ZCWPW2: variants seen among roughly 807,000 people sequenced by gnomAD.
ZCWPW2 encodes zinc finger CW-type and PWWP domain containing 2.
Under a neutral mutation model 46.6 loss-of-function variants are expected in ZCWPW2, and 45 were observed. The ratio of observed to expected loss-of-function variants is 0.96; its 90% CI spans 0.76 to 1.24. The LOEUF (loss-of-function observed/expected upper bound fraction) is 1.24. ZCWPW2 is among the 50% of genes most tolerant of loss of function. The pLI is 0.00. For missense variants in ZCWPW2, 429 were observed against 403.9 expected (o/e 1.06, Z -0.53); for synonymous variants, 152 against 137.1 (o/e 1.11, Z -0.76).
At position 28,496,957 on chromosome 3, in the gene ZCWPW2, G is replaced by C. The variant is rs1229931095; in HGVS notation, c.657+4784G>C. Among the ~76,000 whole-genome samples the C allele has an allele frequency of 2.7e-5, 4 of 150,250 alleles. No homozygotes were observed. In the East Asian group the frequency reaches 7.9e-4, roughly 30 times the overall value. On this transcript the variant is annotated intron_variant, in intron 6 of 9. Transcript: ENST00000383768. ...CCTGGGTTGAAAATCTTAGTAGTTT[G>C]TATTTTGTTTATTTATATAAATACG...
intron 1 of ZCWPW2, among the ~76,000 whole-genome samples, chr3:28,382,826 GTA>G (rs1263749971): frequency 2.0e-5 from 3 of 152,050 alleles, no homozygotes; most frequent in Non-Finnish European, 2.9e-5. Context: ...TATATTAATT[GTA>G]TGGTAAAACA....
At chr3:28,417,261 C>A (rs1004505611) in intron 3 of ZCWPW2, among the ~76,000 whole-genome samples, 1 of 151,968 alleles carries the variant, frequency 6.6e-6, no homozygotes, top group East Asian at 1.9e-4. Context: ...ACTAGAAAAT[C>A]TAGAAGAAAT....
chr3:28,492,011 A>G lies in ZCWPW2; in HGVS notation c.611-116A>G, dbSNP rs1575203184. 2.6e-5 allele frequency: 27 copies of G among 1,055,042 alleles called. No homozygotes were observed. In the East Asian group the frequency reaches 7.4e-4, roughly 29 times the overall value. The allele number at this position is 1,055,042 out of a possible 1,614,324, so 65.4% of individuals were successfully genotyped here. On this transcript the variant is annotated intron_variant, in intron 5 of 9. Transcript: ENST00000383768. ...TATTAATTAAAGGGACAACGGGAAC[A>G]AAATACTGTTACAATAGTAATGAGA...
chr3:28,463,261 A>G (rs1291368876), intron 4 of ZCWPW2, among the ~76,000 whole-genome samples: 1 of 152,152 alleles, frequency 6.6e-6, no homozygotes, highest in African/African-American at 2.4e-5. Flanking sequence ...AAGTAATATA[A>G]ACATATTAAG....
chr3:28,365,714 T>G (rs1226196978), intron 1 of ZCWPW2, among the ~76,000 whole-genome samples: 1 of 141,232 alleles, frequency 7.1e-6, no homozygotes, highest in Admixed American at 7.6e-5. Flanking sequence ...GGGGATGACA[T>G]TGAATCTATA....
chr3:28,493,188 G>T, intron 6 of ZCWPW2, among the ~76,000 whole-genome samples: 1 of 113,464 alleles, frequency 8.8e-6, no homozygotes, highest in Non-Finnish European at 1.7e-5. Flanking sequence ...TAGGGTACAT[G>T]TGCACATTGT....
intron 1 of ZCWPW2, among the ~76,000 whole-genome samples, chr3:28,352,165 C>G (rs866897739): frequency 7.5e-5 from 11 of 147,582 alleles, no homozygotes; most frequent in African/African-American, 2.3e-4. Flanking sequence ...CACACACACA[C>G]ACGAGAGAGA....
intron 1 of ZCWPW2, among the ~76,000 whole-genome samples, chr3:28,377,090 G>C (rs1458662269): frequency 6.7e-6 from 1 of 150,124 alleles, no homozygotes. Context: ...TTTGTATTTT[G>C]TTAGTGATTT....
At chr3:28,440,379 A>G (rs1231984424) in intron 4 of ZCWPW2, among the ~76,000 whole-genome samples, 3 of 152,212 alleles carry the variant, frequency 2.0e-5, no homozygotes, top group African/African-American at 7.2e-5. Flanking sequence ...TGTTGCAGAA[A>G]CAGGAAGCAA....
chr3:28,379,347 G>A (rs1163981113), intron 1 of ZCWPW2, among the ~76,000 whole-genome samples: 1 of 152,116 alleles, frequency 6.6e-6, no homozygotes, highest in Non-Finnish European at 1.5e-5. Flanking sequence ...GGGGATGCAA[G>A]AGGAAAAAGA....
At chr3:28,481,732 A>G (rs971670580) in intron 5 of ZCWPW2, among the ~76,000 whole-genome samples, 65 of 152,166 alleles carry the variant, frequency 4.3e-4, no homozygotes, top group African/African-American at 1.4e-3. Flanking sequence ...CTTTATATTT[A>G]CAAAAAATGT....
At chr3:28,366,779 T>C (rs1415666945) in intron 1 of ZCWPW2, among the ~76,000 whole-genome samples, 1 of 152,146 alleles carries the variant, frequency 6.6e-6, no homozygotes, top group Non-Finnish European at 1.5e-5. Context: ...GTCCTGGACT[T>C]TTTTTGGTTG....
chr3:28,473,387 A>G (rs918080770), intron 4 of ZCWPW2, among the ~76,000 whole-genome samples: 2 of 152,070 alleles, frequency 1.3e-5, no homozygotes, highest in Non-Finnish European at 2.9e-5. Context: ...AGGCAGGAGA[A>G]TTGCTTAAAC....
At chr3:28,480,864 C>CTTTTT (rs56891846) in intron 5 of ZCWPW2, among the ~76,000 whole-genome samples, 1 of 122,006 alleles carries the variant, frequency 8.2e-6, no homozygotes, top group African/African-American at 3.1e-5. Context: ...CATTTTTTTT[C>CTTTTT]TTTTTTTTTT....
chr3:28,402,523 GAA>G (rs1355148035), intron 2 of ZCWPW2, among the ~76,000 whole-genome samples: 1 of 152,108 alleles, frequency 6.6e-6, no homozygotes, highest in Non-Finnish European at 1.5e-5. Flanking sequence ...ACAAGATAAA[GAA>G]AGAGGGAACC....
intron 3 of ZCWPW2, among the ~76,000 whole-genome samples, chr3:28,422,742 A>C (rs987094623): frequency 2.6e-5 from 4 of 152,054 alleles, no homozygotes; most frequent in African/African-American, 9.7e-5. Flanking sequence ...CAAGGACTGC[A>C]ATTGCTGGAC....
chr3:28,458,446 T>A (rs1335655148), intron 4 of ZCWPW2, among the ~76,000 whole-genome samples: 2 of 152,202 alleles, frequency 1.3e-5, no homozygotes, highest in Non-Finnish European at 2.9e-5. Flanking sequence ...CTCTCTATTG[T>A]GAATAGAGTG....
chr3:28,464,562 T>C (rs1698752585), intron 4 of ZCWPW2, among the ~76,000 whole-genome samples: 1 of 152,146 alleles, frequency 6.6e-6, no homozygotes, highest in African/African-American at 2.4e-5. Context: ...CAATCCTAGA[T>C]TGCCATAATA....
intron 4 of ZCWPW2, among the ~76,000 whole-genome samples, chr3:28,473,472 C>T (rs572996293): frequency 8.7e-5 from 13 of 149,884 alleles, no homozygotes; most frequent in South Asian, 2.1e-4. Flanking sequence ...AACACTTTGT[C>T]GCAAAAAAAA....
Sources: gnomAD v4.1 joint callset for allele counts (sites outside exome capture counted in the v4.1 genomes callset) on GRCh38, gnomAD v4.1.1 for gene constraint, MANE v1.5 for transcripts, NCBI Gene and HGNC (gene_info 2026-07-23, HGNC 2026-07-21) for gene names.